Variants in OTOF observed in about 807,000 individuals in gnomAD.
The protein encoded by OTOF is fer-1-like family member 2.
A neutral mutation model predicts 236.8 loss-of-function variants in OTOF; 218 were observed. The ratio of observed to expected loss-of-function variants is 0.92; its 90% CI spans 0.82 to 1.03. The LOEUF (loss-of-function observed/expected upper bound fraction) is 1.03, where lower values mean the gene tolerates loss of function less well. Ranked by LOEUF, OTOF falls within the 50% of genes least tolerant of loss-of-function variation. The pLI, the probability that OTOF is intolerant of heterozygous loss-of-function variation, is 0.00. For missense variants in OTOF, 2,590 were observed against 2,694.4 expected (o/e 0.96, Z 0.86); for synonymous variants, 1,041 against 1,072.5 (o/e 0.97, Z 0.57).
intron 5 of OTOF, among the ~76,000 whole-genome samples, chr2:26,515,300 C>T (rs917314120): frequency 3.9e-5 from 6 of 152,246 alleles, no homozygotes; most frequent in African/African-American, 1.4e-4. Context: ...CTGCCCCATG[C>T]CCGTGGCTGG....
intron 11 of OTOF, among the ~76,000 whole-genome samples, chr2:26,487,266 T>C (rs1665723016): frequency 6.6e-6 from 1 of 152,090 alleles, no homozygotes; most frequent in African/African-American, 2.4e-5. Flanking sequence ...ATCAAGAAGT[T>C]CAGGCCAAAC....
In OTOF at chr2:26,477,133, GC is replaced by G. The variant is rs760018136; in HGVS notation, c.2523+38del. 2 of 1,590,150 alleles carry G rather than the reference GC, an allele frequency of 1.3e-6. No individual in the cohort carries two copies. The highest frequency in any genetic ancestry group is 1.7e-5 in the Admixed American group (1 of 59,548). The stretch of plus-strand genomic sequence containing the variant: ...GATCCTGAGGGGCCCCAGAGAGCCA[GC>G]CCTGGATGAGGCAAAGCCCCGACCC... On this transcript the variant is annotated intron_variant, in intron 21 of 46. Coordinates refer to ENST00000272371, the MANE Select transcript of OTOF (RefSeq NM_194248.3). The surrounding 1 kb of genome is among the most constrained non-coding windows in gnomAD (Gnocchi z 4.7).
At chr2:26,527,722 G>A in intron 3 of OTOF, 110 bp downstream of exon 3, 1 of 818,906 alleles carries the variant, frequency 1.2e-6, no homozygotes, top group East Asian at 2.4e-5. Flanking sequence ...TCCAGGGCAG[G>A]TTGGGAGTGT....
At chr2:26,534,476 C>A (rs573886429) in intron 2 of OTOF, among the ~76,000 whole-genome samples, 1 of 152,260 alleles carries the variant, frequency 6.6e-6, no homozygotes, top group East Asian at 1.9e-4. Context: ...CTGTTTCCAC[C>A]CATTGTTGTA....
chr2:26,553,231 C>T (rs1022643139), intron 1 of OTOF, among the ~76,000 whole-genome samples: 4 of 152,180 alleles, frequency 2.6e-5, no homozygotes, highest in Non-Finnish European at 5.9e-5. Flanking sequence ...TTCCTATAGC[C>T]TCTGCTCCAG....
At chr2:26,490,625 G>A (rs922723360) in intron 9 of OTOF, among the ~76,000 whole-genome samples, 2 of 152,186 alleles carry the variant, frequency 1.3e-5, no homozygotes, top group East Asian at 3.9e-4. Context: ...GCTGCTGGGG[G>A]CTGGCCCTTG....
Position 26,463,315 on chromosome 2 carries a change from G to C in OTOF, c.5192+168C>G, listed in dbSNP as rs2148023094. Among the ~76,000 whole-genome samples the C allele has an allele frequency of 2.6e-5, 4 of 152,368 alleles. 1 individual carries two copies. The highest frequency in any genetic ancestry group is 2.6e-4 in the Admixed American group (4 of 15,310). On this transcript the variant is annotated intron_variant, in intron 41 of 46. Transcript: ENST00000272371. ...GGGCAGGCCCTAAACTCTATCGATT[G>C]GTTGGTCAGTTTCTCCCCTATAAGG...
Position 26,465,851 on chromosome 2 carries a change from G to T in OTOF, c.4629-9C>A. The T allele has an allele frequency of 1.2e-6, 2 of 1,614,234 alleles. No homozygotes were observed. Among genetic ancestry groups the T allele is most frequent in the Non-Finnish European group, 1.7e-6 (2 of 1,180,040 alleles). ...CCTCGATGTCAAAGGACCTGGTGGGGTGGAGTTAGGAGAAGGGCTTAAGGA... is the reference window on the plus strand; with the variant it reads ...CCTCGATGTCAAAGGACCTGGTGGGTTGGAGTTAGGAGAAGGGCTTAAGGA... On this transcript the variant is annotated splice_polypyrimidine_tract_variant and intron_variant, in intron 37 of 46. Transcript: ENST00000272371.
In OTOF at chr2:26,461,079, CG is replaced by C; in HGVS notation, c.5534-50del. The C allele has an allele frequency of 5.8e-6, 1 of 172,818 alleles. No individual in the cohort carries two copies. The highest frequency in any genetic ancestry group is 1.1e-5 in the Non-Finnish European group (1 of 88,538). The allele number at this position is 172,818 out of a possible 1,614,324, so 10.7% of individuals were successfully genotyped here. A position where few individuals can be genotyped will look rare whatever the true frequency, so the allele number is the denominator to read the frequency against. ...CAGAGTGAACAGGGCTGGGGTGGGGCGGGGTGGGGGTGGGGGTCTGGGCTCC... is the reference window on the plus strand; with the variant it reads ...CAGAGTGAACAGGGCTGGGGTGGGGCGGGTGGGGGTGGGGGTCTGGGCTCC... On this transcript the variant is annotated intron_variant, in intron 43 of 46. Transcript: ENST00000272371. The surrounding 1 kb of genome is among the most constrained non-coding windows in gnomAD (Gnocchi z 6.2).
intron 1 of OTOF, 52 bp downstream of exon 1, chr2:26,558,441 G>A (rs1457970633): frequency 1.3e-6 from 2 of 1,512,158 alleles, no homozygotes; most frequent in Non-Finnish European, 1.8e-6. Context: ...CCAGAGCATG[G>A]GCTGGTCCAG....
Position 26,484,468 on chromosome 2 carries a change from C to A in OTOF, c.1205+6G>T. ...GACTCCAGGGGCTGGGGTAGCTGGG[C>A]CTCACCCCTCAATGTCATCTTCGTC... On this transcript the variant is annotated splice_donor_region_variant and intron_variant, in intron 12 of 46. Coordinates refer to ENST00000272371, the MANE Select transcript of OTOF (RefSeq NM_194248.3). 6.2e-7 allele frequency: 1 copy of A among 1,613,872 alleles called. No homozygotes were observed. The highest frequency in any genetic ancestry group is 8.5e-7 in the Non-Finnish European group (1 of 1,179,980).
chr2:26,534,679 C>G (rs529476405), intron 2 of OTOF, among the ~76,000 whole-genome samples: 1 of 152,246 alleles, frequency 6.6e-6, no homozygotes, highest in South Asian at 2.1e-4. Context: ...TTGTGACAGT[C>G]CCGTGGGGCA....
At chr2:26,520,083 A>G (rs1282284239) in intron 3 of OTOF, among the ~76,000 whole-genome samples, 1 of 152,260 alleles carries the variant, frequency 6.6e-6, no homozygotes, top group African/African-American at 2.4e-5. Context: ...CCCCACAGTC[A>G]GAAGGCTGTT....
intron 2 of OTOF, among the ~76,000 whole-genome samples, chr2:26,529,423 A>G (rs1232461060): frequency 6.6e-6 from 1 of 152,178 alleles, no homozygotes; most frequent in Non-Finnish European, 1.5e-5. Flanking sequence ...CTCTACGTGC[A>G]TATTCATTCA....
chr2:26,472,592 G>A lies in OTOF; in HGVS notation c.3791C>T (p.Thr1264Ile), dbSNP rs145866262. The change falls in exon 30 of 47, where the codon ACA becomes ATA. Residue 1264 changes from threonine to isoleucine, a missense_variant. Thr to Ile is a moderately conservative substitution (Grantham distance 89, BLOSUM62 -1). This residue lies in a region of OTOF where 1,211 missense variants were observed against 1,352.8 expected (regional missense o/e 0.90). Transcript: ENST00000272371. ...LCNGGSSSHS[T>I]GEVVVTMEPE... ...CTCCATAGTCACCACAACCTCCCCT[G>A]TGGAGTGAGAGGAGGAGCCCCCATT... The A allele has an allele frequency of 2.2e-5, 35 of 1,613,164 alleles. No individual in the cohort carries two copies. In the African/African-American group the frequency reaches 3.5e-4, roughly 16 times the overall value.
rs1352196873 is a variant in OTOF at position 26,494,312 on chromosome 2, A to C, written c.897+630T>G. ...GGGTACCAAATGTTTTCTCTTTCAC[A>C]CCCTAAAATCAAGGCCAGTGCTCTG... On this transcript the variant is annotated intron_variant, in intron 9 of 46. Transcript: ENST00000272371. 4.6e-5 allele frequency among the ~76,000 whole-genome samples: 7 copies of C among 152,298 alleles called. No individual in the cohort carries two copies. The East Asian group carries it at 1.4e-3, about 29-fold the overall frequency.
chr2:26,512,683 T>C (rs960781956), intron 5 of OTOF, among the ~76,000 whole-genome samples: 8 of 151,914 alleles, frequency 5.3e-5, no homozygotes, highest in African/African-American at 1.7e-4. Context: ...GAGCCCTTGG[T>C]ATAGGGTGGG....
At chr2:26,548,047 T>C (rs1457304684) in intron 1 of OTOF, among the ~76,000 whole-genome samples, 1 of 152,254 alleles carries the variant, frequency 6.6e-6, no homozygotes, top group Non-Finnish European at 1.5e-5. Context: ...ATTCATTTCA[T>C]CTGAGTTGTA....
At chr2:26,519,301 T>A (rs570679611) in intron 3 of OTOF, among the ~76,000 whole-genome samples, 192 bp from the exon 4 acceptor site, 4 of 151,996 alleles carry the variant, frequency 2.6e-5, no homozygotes, top group Admixed American at 2.0e-4. Context: ...CTGTGGATGG[T>A]TGTTTGTGGG....
Sources: gnomAD v4.1 joint callset for allele counts (sites outside exome capture counted in the v4.1 genomes callset) on GRCh38, gnomAD v4.1.1 for gene constraint, gnomAD v4.1.1 regional missense constraint, Gnocchi (gnomAD v3.1) non-coding constraint, MANE v1.5 for transcripts, NCBI Gene and HGNC (gene_info 2026-07-23, HGNC 2026-07-21) for gene names.